Variants in SCIMP observed in about 807,000 individuals in gnomAD.
SCIMP encodes the protein SLP adapter and CSK-interacting membrane protein.
Under a neutral mutation model 22.0 loss-of-function variants are expected in SCIMP, and 18 were observed. The ratio of observed to expected loss-of-function variants is 0.82; its 90% confidence interval spans 0.56 to 1.21. The LOEUF (loss-of-function observed/expected upper bound fraction) is 1.21. Ranked by LOEUF, SCIMP falls within the 50% of genes most tolerant of loss-of-function variation. SCIMP has a pLI of 0.00. For missense variants in SCIMP, 155 were observed against 171.2 expected (o/e 0.91, Z 0.53); for synonymous variants, 53 against 62.2 (o/e 0.85, Z 0.70).
In SCIMP at chr17:5,223,347, C is replaced by G. The variant is rs1167509610; in HGVS notation, c.131G>C (p.Trp44Ser). 4.3e-6 allele frequency: 7 copies of G among 1,613,600 alleles called. No individual in the cohort carries two copies. The highest frequency in any genetic ancestry group is 5.9e-6 in the Non-Finnish European group (7 of 1,179,914). The change falls in exon 2 of 5, where the codon TGG becomes TCG. Residue 44 changes from tryptophan to serine, a missense_variant. Coordinates refer to ENST00000574081, the MANE Select transcript of SCIMP (RefSeq NM_207103.3). ...LGLILYCVCK[W>S]QLRRGKKWEI... ...ATGGCCATTACCTCGTCTAAGCTGCCACTTACAGACACAGTACAGGATGAG... is the reference window on the plus strand; with the variant it reads ...ATGGCCATTACCTCGTCTAAGCTGCGACTTACAGACACAGTACAGGATGAG...
chr17:5,234,104 C>G (rs1006524235), intron 1 of SCIMP, among the ~76,000 whole-genome samples: 3 of 152,060 alleles, frequency 2.0e-5, no homozygotes, highest in Non-Finnish European at 4.4e-5. Flanking sequence ...AACTCCGTCT[C>G]TACTAAAAAT....
At chr17:5,219,046 G>C (rs564899808) in intron 3 of SCIMP, among the ~76,000 whole-genome samples, 5 of 151,884 alleles carry the variant, frequency 3.3e-5, no homozygotes, top group Non-Finnish European at 7.4e-5. Context: ...CCGGCCGGGC[G>C]TGGTGGCTCA....
intron 1 of SCIMP, among the ~76,000 whole-genome samples, chr17:5,232,923 G>T (rs1251603888): frequency 6.6e-6 from 1 of 152,044 alleles, no homozygotes; most frequent in African/African-American, 2.4e-5. Flanking sequence ...TGTTGGCCTG[G>T]CTGGTCTCAA....
intron 1 of SCIMP, among the ~76,000 whole-genome samples, chr17:5,225,332 G>A (rs1457336333): frequency 2.0e-5 from 3 of 152,180 alleles, no homozygotes; most frequent in Non-Finnish European, 4.4e-5. Context: ...GGGTGTGGTG[G>A]CACATGCCTG....
chr17:5,234,577 C>T (rs2074729478), intron 1 of SCIMP, 158 bp downstream of exon 1: 4 of 717,180 alleles, frequency 5.6e-6, no homozygotes, highest in Non-Finnish European at 9.4e-6. Flanking sequence ...GCAAGTTTTT[C>T]TCCAACCCTA....
intron 1 of SCIMP, among the ~76,000 whole-genome samples, chr17:5,230,486 G>T (rs1567844296): frequency 6.6e-6 from 1 of 152,160 alleles, no homozygotes; most frequent in Non-Finnish European, 1.5e-5. Context: ...GAGGGAAGGT[G>T]ATGAGAAGAA....
At chr17:5,233,042 A>G (rs1460493598) in intron 1 of SCIMP, among the ~76,000 whole-genome samples, 1 of 152,170 alleles carries the variant, frequency 6.6e-6, no homozygotes, top group African/African-American at 2.4e-5. Context: ...TGTCAGCACC[A>G]GAAATGGCCA....
At position 5,221,239 on chromosome 17, in the gene SCIMP, A is replaced by G. The variant is rs760254370; in HGVS notation, c.209+48T>C. 2.7e-5 allele frequency: 36 copies of G among 1,343,788 alleles called. No homozygotes were observed. In the South Asian group the frequency reaches 4.1e-4, roughly 15 times the overall value. The allele number at this position is 1,343,788 out of a possible 1,614,324, so 83.2% of individuals were successfully genotyped here. A position where few individuals can be genotyped will look rare whatever the true frequency, so the allele number is the denominator to read the frequency against. On this transcript the variant is annotated intron_variant, in intron 3 of 4. Coordinates refer to ENST00000574081, the MANE Select transcript of SCIMP (RefSeq NM_207103.3). ...AGTGGAGGGGCAAGGGTGGAAGGGA[A>G]CAGGCAGTTCTCAACAGTAAAAAGC...
chr17:5,218,285 C>CA (rs59588641), intron 3 of SCIMP, among the ~76,000 whole-genome samples: 152,153 of 152,156 alleles, frequency 1, 76,075 homozygotes, highest in Non-Finnish European at 1. Flanking sequence ...TTGGGCCTCC[C>CA]AAGTGCTGGG....
chr17:5,227,890 A>T (rs774865694), intron 1 of SCIMP, among the ~76,000 whole-genome samples: 17 of 152,100 alleles, frequency 1.1e-4, no homozygotes, highest in Admixed American at 2.0e-4. Flanking sequence ...TATATGTGAA[A>T]TATGTTGGGC....
intron 1 of SCIMP, among the ~76,000 whole-genome samples, chr17:5,225,250 A>G (rs1567842246): frequency 6.6e-6 from 1 of 152,202 alleles, no homozygotes; most frequent in Non-Finnish European, 1.5e-5. Flanking sequence ...AGATCACTTC[A>G]GGTCAGGAGT....
chr17:5,232,647 G>A (rs1426694718), intron 1 of SCIMP, among the ~76,000 whole-genome samples: 1 of 152,060 alleles, frequency 6.6e-6, no homozygotes. Context: ...TCTTGCCCCA[G>A]TTCACCTCTA....
chr17:5,211,119 C>T (rs2074523188), intron 4 of SCIMP, among the ~76,000 whole-genome samples, 164 bp from the exon 5 acceptor site: 1 of 152,214 alleles, frequency 6.6e-6, no homozygotes, highest in South Asian at 2.1e-4. Context: ...GACAGAGCCT[C>T]AGGATCACCC....
chr17:5,229,903 C>T (rs1167981505), intron 1 of SCIMP, among the ~76,000 whole-genome samples: 1 of 150,240 alleles, frequency 6.7e-6, no homozygotes, highest in East Asian at 2.0e-4. Context: ...CTCTCCTCTC[C>T]GGTCCTCTCC....
chr17:5,212,850 G>A (rs1215503144), intron 4 of SCIMP, among the ~76,000 whole-genome samples: 4 of 152,056 alleles, frequency 2.6e-5, no homozygotes, highest in African/African-American at 9.7e-5. Context: ...AATAGTGGTG[G>A]ACAAAAAAGG....
intron 3 of SCIMP, among the ~76,000 whole-genome samples, chr17:5,216,109 A>T (rs2074563952): frequency 6.6e-6 from 1 of 152,142 alleles, no homozygotes; most frequent in African/African-American, 2.4e-5. Flanking sequence ...AGACTGAAGC[A>T]AGAGGATCAC....
At chr17:5,229,428 C>G (rs1333403952) in intron 1 of SCIMP, among the ~76,000 whole-genome samples, 1 of 106,002 alleles carries the variant, frequency 9.4e-6, no homozygotes, top group East Asian at 3.1e-4. Flanking sequence ...GAGTCTTGCT[C>G]TGTTGCCCAG....
At chr17:5,223,211 A>C (rs1018998078) in intron 2 of SCIMP, 122 bp downstream of exon 2, 2 of 1,033,700 alleles carry the variant, frequency 1.9e-6, no homozygotes, top group Non-Finnish European at 2.9e-6. Context: ...AGAATGCAAG[A>C]TGCTTAATCC....
chr17:5,211,452 A>G (rs1049223001), intron 4 of SCIMP, among the ~76,000 whole-genome samples: 1 of 151,630 alleles, frequency 6.6e-6, no homozygotes, highest in Non-Finnish European at 1.5e-5. Context: ...TGAGCCCAGG[A>G]GGTTAAGGCT....
Sources: allele counts gnomAD v4.1 joint callset (sites outside exome capture counted in the v4.1 genomes callset), GRCh38; gene constraint gnomAD v4.1.1; transcripts MANE v1.5; gene names NCBI Gene and HGNC (gene_info 2026-07-23, HGNC 2026-07-21).